GRIN2B: variants seen among roughly 807,000 people sequenced by gnomAD.
GRIN2B encodes glutamate ionotropic receptor NMDA type subunit 2B, also known as glutamate receptor ionotropic, NMDA 2B.
A neutral mutation model predicts 114.5 loss-of-function variants in GRIN2B; 5 were observed. The observed-to-expected ratio is 0.04, with a 90% CI of 0.02 to 0.09. GRIN2B has a LOEUF of 0.09. Ranked by LOEUF, GRIN2B falls within the 10% of genes least tolerant of loss-of-function variation. GRIN2B has a pLI of 1.00. For synonymous variants in GRIN2B, 787 were observed against 745.1 expected, an observed-to-expected ratio of 1.06 and a Z score of -0.92; for missense variants, 1,108 against 1,943.5, an observed-to-expected ratio of 0.57 and a Z score of 8.08.
intron 4 of GRIN2B, among the ~76,000 whole-genome samples, chr12:13,711,781 A>T (rs34620639): frequency 1.3e-5 from 2 of 152,124 alleles, no homozygotes; most frequent in South Asian, 4.2e-4. Flanking sequence ...CTGTTGGTGG[A>T]ACTGTAAACT....
intron 3 of GRIN2B, among the ~76,000 whole-genome samples, chr12:13,828,036 C>T (rs572960267): frequency 9.9e-5 from 15 of 152,238 alleles, no homozygotes; most frequent in East Asian, 7.7e-4. Flanking sequence ...GTTATTTCTC[C>T]GTCTGTTTCT....
At chr12:13,792,582 CT>C (rs1316428715) in intron 3 of GRIN2B, among the ~76,000 whole-genome samples, 1 of 152,214 alleles carries the variant, frequency 6.6e-6, no homozygotes. Flanking sequence ...CCTGTTGAAG[CT>C]TTAACTTCAT....
chr12:13,859,150 G>A (rs1865712062), intron 3 of GRIN2B, among the ~76,000 whole-genome samples: 1 of 152,188 alleles, frequency 6.6e-6, no homozygotes, highest in Non-Finnish European at 1.5e-5. Context: ...GAGGCTCAGA[G>A]AGTCTGAAGA....
rs1948404615 is a variant in GRIN2B, at chr12:13,551,006, G to T, written c.*11777C>A. On this transcript the variant is annotated 3_prime_UTR_variant, in exon 14 of 14. Transcript: ENST00000609686. ...GACTTCTAAATGCATTTATATCAAA[G>T]AAAGGGTGATTTTACTACTTCATGT... 1 of 150,318 alleles carries T rather than the reference G, an allele frequency of 6.7e-6. No individual in the cohort carries two copies. The highest frequency in any genetic ancestry group is 2.4e-5 in the African/African-American group (1 of 40,994). 9.3% of individuals were successfully genotyped at this position (150,318 alleles called of 1,614,324 possible).
chr12:13,569,530 C>T (rs961130678), intron 12 of GRIN2B, among the ~76,000 whole-genome samples: 3 of 152,158 alleles, frequency 2.0e-5, no homozygotes, highest in African/African-American at 7.2e-5. Context: ...ATAGGAGAGG[C>T]ATGAAACAGA....
At chr12:13,613,813 T>C (rs917840383) in intron 8 of GRIN2B, among the ~76,000 whole-genome samples, 1 of 152,100 alleles carries the variant, frequency 6.6e-6, no homozygotes, top group African/African-American at 2.4e-5. Flanking sequence ...AATGTTGGCT[T>C]CTCTTATCCC....
At chr12:13,600,554 A>G (rs893305933) in intron 10 of GRIN2B, among the ~76,000 whole-genome samples, 3 of 151,966 alleles carry the variant, frequency 2.0e-5, no homozygotes, top group African/African-American at 2.4e-5. Context: ...AGGCTACAAG[A>G]AGAGAGAGGA....
At chr12:13,919,677 A>T (rs1866791572) in intron 2 of GRIN2B, among the ~76,000 whole-genome samples, 1 of 152,216 alleles carries the variant, frequency 6.6e-6, no homozygotes. Context: ...CATTTATAAG[A>T]AGGTAGGGAA....
chr12:13,818,466 G>A (rs1240272687), intron 3 of GRIN2B, among the ~76,000 whole-genome samples: 4 of 152,208 alleles, frequency 2.6e-5, no homozygotes, highest in Middle Eastern at 3.2e-3. Flanking sequence ...TTAAGAAGGG[G>A]TGTTATTTCA....
intron 2 of GRIN2B, among the ~76,000 whole-genome samples, chr12:13,903,806 T>C (rs1462901874): frequency 6.6e-6 from 1 of 152,044 alleles, no homozygotes; most frequent in Admixed American, 6.6e-5. Flanking sequence ...AAACCTCCTA[T>C]CATAATCATG....
chr12:13,653,698 G>A (rs985884473), intron 5 of GRIN2B, among the ~76,000 whole-genome samples: 1 of 152,038 alleles, frequency 6.6e-6, no homozygotes, highest in East Asian at 1.9e-4. Context: ...ATTAGGAAGG[G>A]CAATTATAAT....
chr12:13,758,998 ATTTTTTTTTTTTTTTT>A (rs5796560), intron 3 of GRIN2B, among the ~76,000 whole-genome samples: 1 of 85,600 alleles, frequency 1.2e-5, no homozygotes, highest in African/African-American at 4.9e-5. Context: ...ATCTAGTTCA[ATTTTTTTTTTTTTTTT>A]TTTTTTTTTT....
intron 3 of GRIN2B, among the ~76,000 whole-genome samples, chr12:13,797,939 T>A (rs1864444286): frequency 6.6e-6 from 1 of 152,304 alleles, no homozygotes; most frequent in African/African-American, 2.4e-5. Context: ...CCATCACACA[T>A]CTCCTACCTA....
chr12:13,974,747 T>C (rs1187456763), intron 2 of GRIN2B, among the ~76,000 whole-genome samples: 1 of 152,042 alleles, frequency 6.6e-6, no homozygotes, highest in African/African-American at 2.4e-5. Context: ...CACCACTAGA[T>C]CCTGCTCCAC....
chr12:13,898,782 A>C (rs1866396728), intron 2 of GRIN2B, among the ~76,000 whole-genome samples: 2 of 152,208 alleles, frequency 1.3e-5, no homozygotes, highest in Admixed American at 6.5e-5. Context: ...GTGGCAGCAC[A>C]TGCCTGTAAT....
intron 2 of GRIN2B, among the ~76,000 whole-genome samples, chr12:13,896,369 G>A (rs1420519352): frequency 6.6e-6 from 1 of 152,220 alleles, no homozygotes; most frequent in Non-Finnish European, 1.5e-5. Flanking sequence ...GACTCAAGAA[G>A]AGGATAGGGT....
chr12:13,897,837 CATA>C (rs768667321), intron 2 of GRIN2B, among the ~76,000 whole-genome samples: 3 of 151,886 alleles, frequency 2.0e-5, no homozygotes, highest in African/African-American at 4.8e-5. Flanking sequence ...TTGGGAAAGT[CATA>C]ATAATTGAAT....
At chr12:13,844,960 C>T (rs2136719858) in intron 3 of GRIN2B, among the ~76,000 whole-genome samples, 1 of 152,276 alleles carries the variant, frequency 6.6e-6, no homozygotes, top group South Asian at 2.1e-4. Flanking sequence ...TTCTGGAAGA[C>T]TCCCTGCTTT....
intron 2 of GRIN2B, among the ~76,000 whole-genome samples, chr12:13,900,989 A>G (rs1258040290): frequency 2.6e-5 from 4 of 152,158 alleles, no homozygotes; most frequent in Non-Finnish European, 4.4e-5. Context: ...TGACATGTCT[A>G]TTCTTGTCCA....
Sources: gnomAD v4.1 joint callset for allele counts (sites outside exome capture counted in the v4.1 genomes callset) on GRCh38, gnomAD v4.1.1 for gene constraint, MANE v1.5 for transcripts, NCBI Gene and HGNC (gene_info 2026-07-23, HGNC 2026-07-21) for gene names.